Variants in CENPW observed in about 807,000 individuals in gnomAD.
The protein encoded by CENPW is cancer-up-regulated gene 2 protein.
CENPW carries 3 observed loss-of-function variants against 11.1 expected under a neutral mutation model. The observed-to-expected ratio is 0.27, with a 90% confidence interval of 0.12 to 0.70. The LOEUF (loss-of-function observed/expected upper bound fraction) is 0.70. Ranked by LOEUF, CENPW falls within the 30% of genes least tolerant of loss-of-function variation. The pLI is 0.77. For synonymous variants in CENPW, 38 were observed against 42.0 expected (o/e 0.91, Z 0.37); for missense variants, 100 against 105.6 (o/e 0.95, Z 0.23).
chr6:126,393,389 T>C, the CENPW span, among the ~76,000 whole-genome samples: 1 of 151,678 alleles, frequency 6.6e-6, no homozygotes, highest in African/African-American at 2.4e-5. Context: ...ATTTATTTAG[T>C]TTTTCTTCTT....
the CENPW span, among the ~76,000 whole-genome samples, chr6:126,470,160 A>C: frequency 4.6e-5 from 7 of 152,234 alleles, no homozygotes; most frequent in Non-Finnish European, 8.8e-5. Context: ...CTCCCATCAC[A>C]GGCCTGGAGG....
At chr6:126,441,666 C>T in the CENPW span, among the ~76,000 whole-genome samples, 1,615 of 151,638 alleles carry the variant, frequency 0.011, 25 homozygotes, top group African/African-American at 0.037. Context: ...TTTGCATCCT[C>T]ATAGTTTAGC....
At chr6:126,479,421 T>C in the CENPW span, among the ~76,000 whole-genome samples, 9 of 152,072 alleles carry the variant, frequency 5.9e-5, no homozygotes, top group South Asian at 1.9e-3. Context: ...GAGATCATCT[T>C]CACCTTCTTT....
chr6:126,362,258 A>G, the CENPW span, among the ~76,000 whole-genome samples: 2 of 152,058 alleles, frequency 1.3e-5, no homozygotes, highest in Admixed American at 6.5e-5. Context: ...GAGCCACCCT[A>G]TGCACAAAAG....
chr6:126,367,507 A>G, the CENPW span, among the ~76,000 whole-genome samples: 1 of 152,164 alleles, frequency 6.6e-6, no homozygotes, highest in Non-Finnish European at 1.5e-5. Context: ...ACTGGCAGAA[A>G]ACATACAGGA....
chr6:126,444,454 A>G, the CENPW span, among the ~76,000 whole-genome samples: 1 of 150,822 alleles, frequency 6.6e-6, no homozygotes, highest in Non-Finnish European at 1.5e-5. Flanking sequence ...CATGTATCCA[A>G]ATGCTTTTTT....
chr6:126,367,427 A>G, the CENPW span, among the ~76,000 whole-genome samples: 7 of 135,162 alleles, frequency 5.2e-5, no homozygotes, highest in Admixed American at 1.7e-4. Context: ...CCTTCCTGAT[A>G]TAATTTTTCT....
chr6:126,430,548 C>A, the CENPW span, among the ~76,000 whole-genome samples: 1 of 152,142 alleles, frequency 6.6e-6, no homozygotes, highest in Non-Finnish European at 1.5e-5. Context: ...AGATTTCCTC[C>A]CAATGGGTCC....
At chr6:126,477,521 T>C in the CENPW span, among the ~76,000 whole-genome samples, 1 of 151,938 alleles carries the variant, frequency 6.6e-6, no homozygotes, top group Non-Finnish European at 1.5e-5. Flanking sequence ...TGTATTAATC[T>C]CATTTAATTC....
the CENPW span, among the ~76,000 whole-genome samples, chr6:126,456,331 A>C: frequency 6.6e-6 from 1 of 151,438 alleles, no homozygotes; most frequent in Admixed American, 6.6e-5. Context: ...AACCAAAAAC[A>C]CATAATAGTA....
the CENPW span, among the ~76,000 whole-genome samples, chr6:126,430,881 C>T: frequency 3.3e-5 from 5 of 151,814 alleles, no homozygotes; most frequent in Non-Finnish European, 7.4e-5. Flanking sequence ...GATGGCGCCA[C>T]TGCACTCCAG....
chr6:126,481,262 G>T, the CENPW span, among the ~76,000 whole-genome samples: 1 of 151,898 alleles, frequency 6.6e-6, no homozygotes, highest in East Asian at 1.9e-4. Context: ...TTGTGTAGTG[G>T]ATATAACTAA....
the CENPW span, among the ~76,000 whole-genome samples, chr6:126,372,825 C>T: frequency 7.2e-5 from 11 of 152,230 alleles, no homozygotes; most frequent in Admixed American, 3.9e-4. Context: ...TCTGGAAATG[C>T]AATCATTTCA....
At chr6:126,418,091 A>G in the CENPW span, among the ~76,000 whole-genome samples, 4 of 152,340 alleles carry the variant, frequency 2.6e-5, no homozygotes, top group South Asian at 8.3e-4. Context: ...AAAGATAGAC[A>G]ATACCAAGTG....
chr6:126,394,581 TATA>T, the CENPW span, among the ~76,000 whole-genome samples: 8 of 152,114 alleles, frequency 5.3e-5, no homozygotes, highest in Non-Finnish European at 8.8e-5. Context: ...ATTACAGTGT[TATA>T]ATAATATTCC....
At chr6:126,434,197 A>G in the CENPW span, among the ~76,000 whole-genome samples, 1 of 152,064 alleles carries the variant, frequency 6.6e-6, no homozygotes, top group Non-Finnish European at 1.5e-5. Context: ...GTGCTATCCA[A>G]CACTTTTTTG....
chr6:126,340,875 C>G (rs1313360551), intron 1 of CENPW, among the ~76,000 whole-genome samples: 2 of 152,150 alleles, frequency 1.3e-5, no homozygotes, highest in Non-Finnish European at 2.9e-5. Flanking sequence ...CCTCTTTCCT[C>G]CCTTGGCTCC....
chr6:126,376,748 A>C, the CENPW span, among the ~76,000 whole-genome samples: 1 of 152,200 alleles, frequency 6.6e-6, no homozygotes, highest in Non-Finnish European at 1.5e-5. Context: ...GGCACATAAT[A>C]CTTTCCCTTA....
chr6:126,369,416 T>C, the CENPW span, among the ~76,000 whole-genome samples: 2 of 152,194 alleles, frequency 1.3e-5, no homozygotes, highest in African/African-American at 4.8e-5. Context: ...AAGTGTCCCC[T>C]TTTCACAACA....
Sources: gnomAD v4.1 joint callset for allele counts (sites outside exome capture counted in the v4.1 genomes callset) on GRCh38, gnomAD v4.1.1 for gene constraint, MANE v1.5 for transcripts, NCBI Gene and HGNC (gene_info 2026-07-23, HGNC 2026-07-21) for gene names.